The following TNFRSF21 variants were observed in gnomAD, a reference collection of about 807,000 sequenced individuals.
The protein encoded by TNFRSF21 is tumor necrosis factor receptor superfamily member 21.
In TNFRSF21, 19 loss-of-function variants were observed where a neutral mutation model predicts 45.6. The ratio of observed to expected loss-of-function variants is 0.42; its 90% CI spans 0.29 to 0.61. The LOEUF is 0.61. Among genes scored for constraint, TNFRSF21 ranks in the 20% least tolerant of loss-of-function variants. TNFRSF21 has a pLI of 0.23. For missense variants in TNFRSF21, 737 were observed against 851.5 expected, an observed-to-expected ratio of 0.87 and a Z score of 1.67; for synonymous variants, 314 against 335.5, an observed-to-expected ratio of 0.94 and a Z score of 0.70.
chr6:47,303,242 C>A (rs560807086), intron 1 of TNFRSF21, among the ~76,000 whole-genome samples: 6 of 152,148 alleles, frequency 3.9e-5, no homozygotes, highest in Non-Finnish European at 7.3e-5. Flanking sequence ...TGACAGGAGA[C>A]GAACAAATAG....
chr6:47,308,853 G>A (rs1762976087), intron 1 of TNFRSF21, among the ~76,000 whole-genome samples: 1 of 152,242 alleles, frequency 6.6e-6, no homozygotes, highest in African/African-American at 2.4e-5. Context: ...GATTGAGGAG[G>A]GGGCGGCTTG....
At chr6:47,234,359 T>C (rs565425485) in intron 5 of TNFRSF21, among the ~76,000 whole-genome samples, 1 of 152,348 alleles carries the variant, frequency 6.6e-6, no homozygotes, top group East Asian at 1.9e-4. Context: ...TTTTCAAAAA[T>C]CTTGCCAGAC....
intron 3 of TNFRSF21, among the ~76,000 whole-genome samples, chr6:47,253,868 T>C (rs1764940673): frequency 6.6e-6 from 1 of 152,072 alleles, no homozygotes; most frequent in Admixed American, 6.5e-5. Context: ...AGGAGAGGGG[T>C]GGATAAGTTC....
At chr6:47,272,840 C>T (rs1382991095) in intron 3 of TNFRSF21, among the ~76,000 whole-genome samples, 2 of 152,022 alleles carry the variant, frequency 1.3e-5, no homozygotes, top group African/African-American at 4.8e-5. Context: ...ATATCACCAC[C>T]GATCCCACAG....
intron 3 of TNFRSF21, among the ~76,000 whole-genome samples, chr6:47,264,356 T>C (rs1431035786): frequency 2.6e-5 from 4 of 152,096 alleles, no homozygotes. Context: ...GGCGAAACCC[T>C]GTCTCTACTA....
intron 3 of TNFRSF21, among the ~76,000 whole-genome samples, chr6:47,274,468 C>T (rs537961938): frequency 1.4e-4 from 22 of 152,164 alleles, no homozygotes; most frequent in Non-Finnish European, 2.2e-4. Flanking sequence ...CCCTTCCTTA[C>T]ACCTTATACA....
At chr6:47,283,844 C>T in intron 3 of TNFRSF21, 94 bp downstream of exon 3, 1 of 1,501,292 alleles carries the variant, frequency 6.7e-7, no homozygotes, top group Non-Finnish European at 8.9e-7. Context: ...AAGGAGATTC[C>T]ACAAACTACG....
rs377578261 is a variant in TNFRSF21, at chr6:47,293,246, T to C, written c.97-6651A>G. ...TCAAGGCCAGGGACGACCACATAGA[T>C]TGCATTTCCTCCCTTGCACAACTAC... On this transcript the variant is annotated intron_variant, in intron 1 of 5. Coordinates refer to ENST00000296861, the MANE Select transcript of TNFRSF21 (RefSeq NM_014452.5). Among the ~76,000 whole-genome samples the C allele has an allele frequency of 5.9e-5, 9 of 152,210 alleles. No homozygotes were observed. The East Asian group carries it at 7.7e-4, about 13-fold the overall frequency.
At chr6:47,297,658 G>T (rs1762810209) in intron 1 of TNFRSF21, among the ~76,000 whole-genome samples, 1 of 151,976 alleles carries the variant, frequency 6.6e-6, no homozygotes, top group Admixed American at 6.6e-5. Context: ...CAGTAGCTGG[G>T]ATTACAGGCG....
chr6:47,282,178 G>A (rs925592330), intron 3 of TNFRSF21, among the ~76,000 whole-genome samples: 6 of 152,056 alleles, frequency 3.9e-5, no homozygotes, highest in African/African-American at 1.4e-4. Flanking sequence ...CTGAGGTTGG[G>A]AGTTCAAGAC....
At position 47,234,829 on chromosome 6, in the gene TNFRSF21, T is replaced by C. The variant is rs780745645; in HGVS notation, c.1579A>G (p.Asn527Asp). 8 of 1,540,962 alleles carry C rather than the reference T, an allele frequency of 5.2e-6. No homozygotes were observed. In the African/African-American group the frequency reaches 1.1e-4, roughly 22 times the overall value. Residue 527 changes from asparagine to aspartate, a missense_variant, in exon 5 of 6, where the codon AAC (asparagine) becomes GAC (aspartate). Coordinates refer to ENST00000296861, the MANE Select transcript of TNFRSF21 (RefSeq NM_014452.5). ...PLSPSPIPSP[N>D]AKLENSALLT... is the part of the protein sequence containing the mutation. ...AGAGCGGAATTCTCAAGTTTCGCGT[T>C]GGGGCTGGGGATGGGGCTCGGGCTA...
chr6:47,272,496 T>C (rs1762437336), intron 3 of TNFRSF21, among the ~76,000 whole-genome samples: 2 of 152,160 alleles, frequency 1.3e-5, no homozygotes, highest in African/African-American at 4.8e-5. Context: ...TACCAGAATC[T>C]CTGGGACACA....
rs535072659 is a variant in TNFRSF21, at chr6:47,262,513, T to C, written c.1244-8992A>G. Among the ~76,000 whole-genome samples, 40 of 152,148 alleles carry C rather than the reference T, an allele frequency of 2.6e-4. 1 individual carries two copies. In the South Asian group the frequency reaches 7.5e-3, roughly 28 times the overall value. On this transcript the variant is annotated intron_variant, in intron 3 of 5. Transcript: ENST00000296861. ...CTTTCTTTGTGAAGGTTACATTCCA[T>C]TGGGGGGAAGTAATAAAACATAAAC...
At chr6:47,305,592 T>C (rs1762926933) in intron 1 of TNFRSF21, among the ~76,000 whole-genome samples, 2 of 152,170 alleles carry the variant, frequency 1.3e-5, no homozygotes, top group African/African-American at 4.8e-5. Context: ...GAATTGCCAA[T>C]GTACGAGGTA....
intron 3 of TNFRSF21, among the ~76,000 whole-genome samples, chr6:47,281,569 C>T (rs1762567564): frequency 1.3e-5 from 2 of 151,944 alleles, no homozygotes; most frequent in African/African-American, 2.4e-5. Flanking sequence ...TTAGTAGATA[C>T]GAGGTTTCGC....
chr6:47,290,097 C>T (rs1489258786), intron 1 of TNFRSF21, among the ~76,000 whole-genome samples: 1 of 152,208 alleles, frequency 6.6e-6, no homozygotes, highest in South Asian at 2.1e-4. Flanking sequence ...CTGCTCTGTA[C>T]TTCGTGGCAT....
At chr6:47,251,919 T>C (rs1764906590) in intron 4 of TNFRSF21, among the ~76,000 whole-genome samples, 1 of 152,240 alleles carries the variant, frequency 6.6e-6, no homozygotes, top group East Asian at 1.9e-4. Context: ...ATCACTTGGG[T>C]CTATTAATAA....
At chr6:47,259,100 G>C (rs1309094036) in intron 3 of TNFRSF21, among the ~76,000 whole-genome samples, 1 of 152,226 alleles carries the variant, frequency 6.6e-6, no homozygotes, top group African/African-American at 2.4e-5. Context: ...ACACTCAGAA[G>C]ACAATGAAAG....
intron 1 of TNFRSF21, among the ~76,000 whole-genome samples, chr6:47,305,423 C>T (rs1762924824): frequency 6.6e-6 from 1 of 152,058 alleles, no homozygotes; most frequent in African/African-American, 2.4e-5. Flanking sequence ...CTTTCACATT[C>T]TAGGATTGTA....
Sources: gnomAD v4.1 joint callset for allele counts (sites outside exome capture counted in the v4.1 genomes callset) on GRCh38, gnomAD v4.1.1 for gene constraint, MANE v1.5 for transcripts, NCBI Gene and HGNC (gene_info 2026-07-23, HGNC 2026-07-21) for gene names.